Variants in THBS2 observed in about 807,000 individuals in gnomAD.
The protein encoded by THBS2 is thrombospondin-2.
Under a neutral mutation model 135.2 loss-of-function variants are expected in THBS2, and 47 were observed. The ratio of observed to expected loss-of-function variants is 0.35; its 90% confidence interval spans 0.28 to 0.44. THBS2 has a LOEUF of 0.44. Ranked by LOEUF, THBS2 falls within the 20% of genes least tolerant of loss-of-function variation. The pLI is 1.00. For missense variants in THBS2, 1,288 were observed against 1,603.1 expected, an observed-to-expected ratio of 0.80 and a Z score of 3.36; for synonymous variants, 639 against 633.8, an observed-to-expected ratio of 1.01 and a Z score of -0.12.
At chr6:169,250,638 T>C in intron 2 of THBS2, 95 bp downstream of exon 2, 3 of 1,162,078 alleles carry the variant, frequency 2.6e-6, no homozygotes, top group Admixed American at 4.6e-5. Context: ...CGGGTAAGAT[T>C]GTCCAACCAC....
intron 2 of THBS2, among the ~76,000 whole-genome samples, chr6:169,249,628 A>G (rs889444545): frequency 2.6e-5 from 4 of 152,242 alleles, no homozygotes; most frequent in Non-Finnish European, 4.4e-5. Flanking sequence ...CCCTGTGGGT[A>G]AGGATCTGAA....
chr6:169,253,418 C>T (rs1780816697), intron 1 of THBS2, among the ~76,000 whole-genome samples: 1 of 152,162 alleles, frequency 6.6e-6, no homozygotes, highest in Non-Finnish European at 1.5e-5. Context: ...CCCGGGTTCC[C>T]AGGCAGGTAT....
At chr6:169,224,669 G>GC (rs974699276) in intron 17 of THBS2, among the ~76,000 whole-genome samples, 4 of 152,118 alleles carry the variant, frequency 2.6e-5, no homozygotes, top group Non-Finnish European at 4.4e-5. Context: ...CCTTCCTTGG[G>GC]CCCCCGTGGC....
intron 13 of THBS2, among the ~76,000 whole-genome samples, chr6:169,231,442 C>T (rs1396028244): frequency 1.3e-5 from 2 of 152,180 alleles, no homozygotes; most frequent in Non-Finnish European, 2.9e-5. Context: ...ATAACAGATT[C>T]CTGTTGTTGT....
At chr6:169,237,580 G>T in intron 8 of THBS2, 45 bp downstream of exon 8, 1 of 1,607,376 alleles carries the variant, frequency 6.2e-7, no homozygotes. Flanking sequence ...GAGAAACGCG[G>T]CCCCACCCCC....
chr6:169,218,881 GGAT>G (rs1267686347), intron 21 of THBS2, among the ~76,000 whole-genome samples: 1 of 150,186 alleles, frequency 6.7e-6, no homozygotes, highest in Non-Finnish European at 1.5e-5. Flanking sequence ...GTGGATGGAT[GGAT>G]GATGAGTGGG....
chr6:169,241,080 G>C lies in THBS2; in HGVS notation c.892-488C>G, dbSNP rs950394559. On this transcript the variant is annotated intron_variant, in intron 5 of 21. Transcript: ENST00000617924. This position sits in a 1 kb window ranked among gnomAD's most constrained non-coding sequence, Gnocchi z 5.5. ...CCTGCCCCGGACTCCTGCCCCTGCCGCCCTCCCTGCCCTGGGCTCCATCTC... is the reference window on the plus strand; with the variant it reads ...CCTGCCCCGGACTCCTGCCCCTGCCCCCCTCCCTGCCCTGGGCTCCATCTC... Among the ~76,000 whole-genome samples, 13 of 133,052 alleles carry C rather than the reference G, an allele frequency of 9.8e-5. No individual in the cohort carries two copies. In the East Asian group the frequency reaches 2.0e-3, roughly 21 times the overall value. The allele number at this position is 133,052 out of a possible 152,430, so 87.3% of individuals were successfully genotyped here.
At chr6:169,238,122 C>G (rs1011758084) in intron 7 of THBS2, among the ~76,000 whole-genome samples, 1 of 152,160 alleles carries the variant, frequency 6.6e-6, no homozygotes. Context: ...AATAGCTTGC[C>G]AAAGACAGTG....
At chr6:169,240,416 G>A (rs56132110) in intron 6 of THBS2, 36 bp downstream of exon 6, 73,826 of 1,606,478 alleles carry the variant, frequency 0.046, 2,066 homozygotes, top group Non-Finnish European at 0.056. Context: ...TCCGATGGTG[G>A]CCTCTTCCCC....
At chr6:169,236,079 A>G (rs1780042641) in intron 9 of THBS2, among the ~76,000 whole-genome samples, 2 of 85,502 alleles carry the variant, frequency 2.3e-5, no homozygotes, top group Non-Finnish European at 4.5e-5. Context: ...CTCACCATCC[A>G]CACTCACTCC....
At position 169,242,052 on chromosome 6, in the gene THBS2, C is replaced by G; in HGVS notation, c.695-94G>C. 7.8e-6 allele frequency: 11 copies of G among 1,411,212 alleles called. No individual in the cohort carries two copies. The South Asian group carries it at 1.4e-4, about 17-fold the overall frequency. 87.4% of individuals were successfully genotyped at this position (1,411,212 alleles called of 1,614,324 possible). On this transcript the variant is annotated intron_variant, in intron 4 of 21. Transcript: ENST00000617924. The stretch of plus-strand genomic sequence containing the variant: ...AGGGAGGATGACCCGCCCTGGCTCC[C>G]GGAGCGGCCTGGTGCTGGGAGACAC...
At chr6:169,228,715 G>T (rs574723219) in intron 14 of THBS2, among the ~76,000 whole-genome samples, 1 of 152,176 alleles carries the variant, frequency 6.6e-6, no homozygotes, top group Non-Finnish European at 1.5e-5. Flanking sequence ...CCTGAGGTCA[G>T]GAGTTCGAGA....
chr6:169,232,709 G>A lies in THBS2; in HGVS notation c.1887C>T (p.Asn629=). 3.1e-6 allele frequency: 5 copies of A among 1,613,734 alleles called. No individual in the cohort carries two copies. The highest frequency in any genetic ancestry group is 1.1e-5 in the South Asian group (1 of 91,074). ...CLPCPPRYRG[N]QPVGVGLEAA... ...CTTCCAGGCCGACCCCGACGGGCTGGTTCCCTCTGTATCGGGGCGGGCAGG... is the reference window on the plus strand; with the variant it reads ...CTTCCAGGCCGACCCCGACGGGCTGATTCCCTCTGTATCGGGGCGGGCAGG... Residue 629 remains asparagine, a synonymous_variant, in exon 12 of 22, where the codon AAC becomes AAT. Transcript: ENST00000617924.
chr6:169,241,427 ATG>A lies in THBS2; in HGVS notation c.891+333_891+334del, dbSNP rs1222960538. ...TGTGTGTGTGTGTGTATGTGTGTGT[ATG>A]TGTGTGTGTATGTGTGTGTGTGTGT... On this transcript the variant is annotated intron_variant, in intron 5 of 21. Coordinates refer to ENST00000617924, the MANE Select transcript of THBS2 (RefSeq NM_003247.5). This position sits in a 1 kb window ranked among gnomAD's most constrained non-coding sequence, Gnocchi z 5.5. 1.2e-4 allele frequency among the ~76,000 whole-genome samples: 9 copies of A among 75,952 alleles called. No homozygotes were observed. The highest frequency in any genetic ancestry group is 8.1e-4 in the East Asian group (1 of 1,234). The allele number at this position is 75,952 out of a possible 152,430, so 49.8% of individuals were successfully genotyped here.
At chr6:169,246,659 C>A (rs1326485458) in intron 3 of THBS2, among the ~76,000 whole-genome samples, 1 of 152,262 alleles carries the variant, frequency 6.6e-6, no homozygotes, top group African/African-American at 2.4e-5. Flanking sequence ...CTGCATTTGG[C>A]AAAGAGGCTC....
At position 169,220,259 on chromosome 6, in the gene THBS2, C is replaced by T. The variant is rs1172095608; in HGVS notation, c.3450G>A (p.Leu1150=). Reference sequence around the variant, plus strand: ...TTTCTTGAGAGAAGACAAATAGACCCAGCCGCCCGCCAGCGTAGGTTTGGT... The same window carrying T: ...TTTCTTGAGAGAAGACAAATAGACCTAGCCGCCCGCCAGCGTAGGTTTGGT... ...IYDQTYAGGR[L]GLFVFSQEMV... Residue 1150 remains leucine, a synonymous_variant, in exon 21 of 22, where the codon CTG becomes CTA. Transcript: ENST00000617924. The T allele has an allele frequency of 5.6e-6, 9 of 1,613,916 alleles. No homozygotes were observed. The South Asian group carries it at 8.8e-5, about 16-fold the overall frequency.
chr6:169,231,870 C>CCTTCCAAAAGTGCCGTTG, intron 13 of THBS2, 110 bp downstream of exon 13: 1 of 1,222,754 alleles, frequency 8.2e-7, no homozygotes, highest in Non-Finnish European at 1.1e-6. Flanking sequence ...GAGAGACCCT[C>CCTTCCAAAAGTGCCGTTG]CTTCCAAATT....
intron 6 of THBS2, 147 bp downstream of exon 6, chr6:169,240,305 C>T (rs1370174454): frequency 2.6e-5 from 30 of 1,137,664 alleles, no homozygotes; most frequent in Middle Eastern, 3.0e-4. Flanking sequence ...GTTCCTGGCC[C>T]TTCTGTGTTT....
At chr6:169,249,504 G>C (rs1780684260) in intron 2 of THBS2, among the ~76,000 whole-genome samples, 2 of 152,238 alleles carry the variant, frequency 1.3e-5, no homozygotes, top group Admixed American at 1.3e-4. Context: ...TATTGATAGA[G>C]TGTCAGAAAG....
Sources: gnomAD v4.1 joint callset for allele counts (sites outside exome capture counted in the v4.1 genomes callset) on GRCh38, gnomAD v4.1.1 for gene constraint, Gnocchi (gnomAD v3.1) non-coding constraint, MANE v1.5 for transcripts, NCBI Gene and HGNC (gene_info 2026-07-23, HGNC 2026-07-21) for gene names.